PDXK: variants seen among roughly 807,000 people sequenced by gnomAD.
PDXK encodes epididymis secretory sperm binding protein Li 1a.
Under a neutral mutation model 43.2 loss-of-function variants are expected in PDXK, and 15 were observed. The ratio of observed to expected loss-of-function variants is 0.35; its 90% CI spans 0.23 to 0.53. The LOEUF (loss-of-function observed/expected upper bound fraction) is 0.53, where lower values mean the gene tolerates loss of function less well. Ranked by LOEUF, PDXK falls within the 20% of genes least tolerant of loss-of-function variation. The probability of loss-of-function intolerance (pLI) is 0.92; values close to 1 mark genes in which losing one functional copy is unlikely to be tolerated. For missense variants in PDXK, 343 were observed against 417.0 expected (o/e 0.82, Z 1.54); for synonymous variants, 172 against 165.4 (o/e 1.04, Z -0.31).
At chr21:43,738,061 C>A in intron 2 of PDXK, 1 of 984,816 alleles carries the variant, frequency 1.0e-6, no homozygotes, top group Non-Finnish European at 1.2e-6. Context: ...TTCCTCATGG[C>A]TGTTATGGCT....
chr21:43,724,618 G>C (rs2083235811), intron 1 of PDXK, among the ~76,000 whole-genome samples: 1 of 151,660 alleles, frequency 6.6e-6, no homozygotes, highest in Non-Finnish European at 1.5e-5. Flanking sequence ...GAGATGGGGG[G>C]ATCACTTGAG....
rs914075469 is a variant in PDXK at position 43,729,009 on chromosome 21, A to C, written c.88-5060A>C. On this transcript the variant is annotated intron_variant, in intron 1 of 10. Coordinates refer to ENST00000291565, the MANE Select transcript of PDXK (RefSeq NM_003681.5). ...GGCAGGAGACGGGGCGCACGCCTGC[A>C]GGTGGGGGAGCCCCAATACGTCACA... 1.0e-5 allele frequency: 10 copies of C among 985,496 alleles called. No homozygotes were observed. The African/African-American group carries it at 1.7e-4, about 17-fold the overall frequency. The allele number at this position is 985,496 out of a possible 1,614,324, so 61.0% of individuals were successfully genotyped here.
At position 43,732,038 on chromosome 21, in the gene PDXK, G is replaced by A. The variant is rs1047351046; in HGVS notation, c.88-2031G>A. 44 of 576,230 alleles carry A rather than the reference G, an allele frequency of 7.6e-5. No individual in the cohort carries two copies. In the African/African-American group the frequency reaches 8.6e-4, roughly 11 times the overall value. 35.7% of individuals were successfully genotyped at this position (576,230 alleles called of 1,614,324 possible). A position where few individuals can be genotyped will look rare whatever the true frequency, so the allele number is the denominator to read the frequency against. On this transcript the variant is annotated intron_variant, in intron 1 of 10. Coordinates refer to ENST00000291565, the MANE Select transcript of PDXK (RefSeq NM_003681.5). This position sits in a 1 kb window ranked among gnomAD's most constrained non-coding sequence, Gnocchi z 4.1. ...GAGGGAAAGCCACAAAGTGGATTCC[G>A]CTGCTGCTATGGGAAGGGACGGTCA...
chr21:43,741,117 C>T (rs375600476), intron 2 of PDXK: 1 of 108,914 alleles, frequency 9.2e-6, no homozygotes, highest in Non-Finnish European at 1.9e-5. Context: ...GTGGGGGCCA[C>T]GGAGGTCGTA....
rs764960516 is a variant in PDXK, at chr21:43,756,056, T to G, written c.932T>G (p.Val311Gly). 6.3e-7 allele frequency: 1 copy of G among 1,598,806 alleles called. No homozygotes were observed. Among genetic ancestry groups the G allele is most frequent in the Non-Finnish European group, 8.6e-7 (1 of 1,169,042 alleles). Reference sequence around the variant, plus strand: ...CCAGAGATCGTCGTCCAGGCCACGGTGCTGTGAGGGCCCCGCCGCTTGCCC... The same window carrying G: ...CCAGAGATCGTCGTCCAGGCCACGGGGCTGTGAGGGCCCCGCCGCTTGCCC... The part of the protein sequence containing the change: ...EDPEIVVQAT[V>G]L Residue 311 changes from valine (V) to glycine (G), a missense_variant, in exon 11 of 11, where the codon GTG (valine) becomes GGG (glycine). Val to Gly is a moderately radical substitution (Grantham distance 109). Coordinates refer to ENST00000291565, the MANE Select transcript of PDXK (RefSeq NM_003681.5).
intron 7 of PDXK, 127 bp downstream of exon 7, chr21:43,750,672 C>T (rs1438034616): frequency 4.5e-6 from 3 of 661,168 alleles, no homozygotes; most frequent in African/African-American, 1.8e-5. Flanking sequence ...CTGTACCAGT[C>T]GGGGCCTCCA....
chr21:43,752,257 C>G (rs1383311625), intron 7 of PDXK, among the ~76,000 whole-genome samples: 1 of 152,236 alleles, frequency 6.6e-6, no homozygotes, highest in Non-Finnish European at 1.5e-5. Flanking sequence ...GTCCACCCCC[C>G]AAGGGGGAGG....
At chr21:43,741,553 G>T in intron 2 of PDXK, 114 bp from the exon 3 acceptor site, 4 of 1,528,072 alleles carry the variant, frequency 2.6e-6, no homozygotes, top group Non-Finnish European at 3.5e-6. Context: ...GCCAGTCCAT[G>T]GGGAGGAGCC....
intron 2 of PDXK, among the ~76,000 whole-genome samples, chr21:43,736,093 G>A (rs1009217650): frequency 5.9e-5 from 9 of 152,222 alleles, no homozygotes; most frequent in African/African-American, 2.2e-4. Context: ...CAGAGCTGGA[G>A]GCGCTTTTTG....
At position 43,760,169 on chromosome 21, in the gene PDXK, T is replaced by A. The variant is rs2083911242; in HGVS notation, c.*4106T>A. The A allele has an allele frequency of 6.9e-6, 1 of 144,970 alleles. No individual in the cohort carries two copies. The highest frequency in any genetic ancestry group is 7.2e-5 in the Admixed American group (1 of 13,902). 9.0% of individuals were successfully genotyped at this position (144,970 alleles called of 1,614,324 possible). The stretch of plus-strand genomic sequence containing the variant: ...GAAGGAGGTGGGAATCTTGGATTTT[T>A]TGTTTTTTTTTGTTTTTTTTTTTTT... On this transcript the variant is annotated 3_prime_UTR_variant, in exon 11 of 11. Transcript: ENST00000291565.
intron 1 of PDXK, 108 bp from the exon 2 acceptor site, chr21:43,733,961 G>A: frequency 8.9e-7 from 1 of 1,128,352 alleles, no homozygotes; most frequent in African/African-American, 1.5e-5. Context: ...GGGGCCCCGT[G>A]CCAGCCGGGA....
chr21:43,722,493 G>C (rs1178650575), intron 1 of PDXK, among the ~76,000 whole-genome samples: 2 of 152,200 alleles, frequency 1.3e-5, no homozygotes, highest in Non-Finnish European at 2.9e-5. Context: ...TGCAGCCTTA[G>C]GGTCATGTAG....
chr21:43,741,827 G>A, intron 3 of PDXK, 56 bp downstream of exon 3: 2 of 1,243,292 alleles, frequency 1.6e-6, no homozygotes, highest in South Asian at 2.4e-5. Flanking sequence ...CAGCCAGGGT[G>A]GGCTCAGGGA....
At chr21:43,749,211 TCTC>T (rs1235598262) in intron 6 of PDXK, 131 bp downstream of exon 6, 1 of 510,084 alleles carries the variant, frequency 2.0e-6, no homozygotes, top group Non-Finnish European at 3.5e-6. Flanking sequence ...TTCAAGCAAT[TCTC>T]CTGCCTCAGC....
chr21:43,733,253 A>ACCC lies in PDXK; in HGVS notation c.88-807_88-805dup, dbSNP rs1226314950. ...GCCCCGGAAGCCCCTCCCCATCCCC[A>ACCC]CCCCCCCCCCCGCCCCCCCCGCCCT... On this transcript the variant is annotated intron_variant, in intron 1 of 10. Transcript: ENST00000291565. 2.3e-3 allele frequency among the ~76,000 whole-genome samples: 131 copies of ACCC among 56,186 alleles called. 2 individuals carry two copies. The highest frequency in any genetic ancestry group is 8.8e-3 in the Middle Eastern group (1 of 114). 36.9% of individuals were successfully genotyped at this position (56,186 alleles called of 152,430 possible).
chr21:43,719,259 CCG>C lies in PDXK; in HGVS notation c.-34_-33del. 7 of 1,296,296 alleles carry C rather than the reference CCG, an allele frequency of 5.4e-6. No homozygotes were observed. Among genetic ancestry groups the C allele is most frequent in the Non-Finnish European group, 7.1e-6 (7 of 991,818 alleles). The allele number at this position is 1,296,296 out of a possible 1,614,324, so 80.3% of individuals were successfully genotyped here. A position where few individuals can be genotyped will look rare whatever the true frequency, so the allele number is the denominator to read the frequency against. ...CGAGCGAGCGGCGGAGACCGTGCCC[CCG>C]CCTCGGCCCCGCGCCGCCGCGGCCA... On this transcript the variant is annotated 5_prime_UTR_variant, in exon 1 of 11. Coordinates refer to ENST00000291565, the MANE Select transcript of PDXK (RefSeq NM_003681.5).
chr21:43,732,134 C>T lies in PDXK; in HGVS notation c.88-1935C>T, dbSNP rs1032257532. The T allele has an allele frequency of 6.6e-6, 9 of 1,356,804 alleles. No homozygotes were observed. The highest frequency in any genetic ancestry group is 2.8e-4 in the Middle Eastern group (1 of 3,594). 84.0% of individuals were successfully genotyped at this position (1,356,804 alleles called of 1,614,324 possible). ...ACTGCTGACAGAAGCCCATTCTCTT[C>T]GCAGGCTTCAGTTTCACATTCTTGG... On this transcript the variant is annotated intron_variant, in intron 1 of 10. Coordinates refer to ENST00000291565, the MANE Select transcript of PDXK (RefSeq NM_003681.5). The surrounding 1 kb of genome is among the most constrained non-coding windows in gnomAD (Gnocchi z 4.1).
intron 4 of PDXK, 117 bp downstream of exon 4, chr21:43,743,924 G>A (rs566779991): frequency 3.7e-5 from 26 of 702,384 alleles, no homozygotes; most frequent in South Asian, 1.4e-4. Flanking sequence ...TCCGTGCCCC[G>A]CCTCTCCGGG....
chr21:43,741,815 T>C (rs760118248), intron 3 of PDXK, 44 bp downstream of exon 3: 4 of 1,321,640 alleles, frequency 3.0e-6, no homozygotes, highest in Non-Finnish European at 4.3e-6. Context: ...CGCACCCCAC[T>C]CCAGCCAGGG....
Sources: gnomAD v4.1 joint callset for allele counts (sites outside exome capture counted in the v4.1 genomes callset) on GRCh38, gnomAD v4.1.1 for gene constraint, Gnocchi (gnomAD v3.1) non-coding constraint, MANE v1.5 for transcripts, NCBI Gene and HGNC (gene_info 2026-07-23, HGNC 2026-07-21) for gene names.